The following HYDIN variants were observed in gnomAD, a reference collection of about 807,000 sequenced individuals.
HYDIN encodes HYDIN axonemal central pair apparatus protein.
Under a neutral mutation model 403.9 loss-of-function variants are expected in HYDIN, and 132 were observed. The ratio of observed to expected loss-of-function variants is 0.33; its 90% CI spans 0.28 to 0.38. The LOEUF (loss-of-function observed/expected upper bound fraction) is 0.38, where lower values mean the gene tolerates loss of function less well. HYDIN is among the 10% of genes least tolerant of loss of function. The pLI is 1.00. For synonymous variants in HYDIN, 1,202 were observed against 1,891.7 expected (o/e 0.64, Z 9.46); for missense variants, 2,827 against 5,009.5 (o/e 0.56, Z 13.15).
Position 70,862,071 on chromosome 16 carries a change from G to A in HYDIN, c.11754C>T (p.Asp3918=), listed in dbSNP as rs1215604565. ...ACTGGCAGAAAAGGTTGCTCTCGAAGTCTCCAATGTCCAACGGGGAGAATT... is the reference window on the plus strand; with the variant it reads ...ACTGGCAGAAAAGGTTGCTCTCGAAATCTCCAATGTCCAACGGGGAGAATT... ...KVKFSPLDIG[D]FESNLFCQIP... The change falls in exon 69 of 86, where the codon GAC becomes GAT. Residue 3918 remains aspartate (D), a synonymous_variant. Transcript: ENST00000393567. 4.4e-6 allele frequency: 7 copies of A among 1,599,632 alleles called. No individual in the cohort carries two copies. The highest frequency in any genetic ancestry group is 6.0e-6 in the Non-Finnish European group (7 of 1,172,994).
intron 18 of HYDIN, among the ~76,000 whole-genome samples, chr16:71,059,474 C>G (rs1568078538): frequency 6.6e-6 from 1 of 152,100 alleles, no homozygotes; most frequent in Non-Finnish European, 1.5e-5. Context: ...TCTGGGCTCT[C>G]TATTCTGTTG....
At chr16:71,221,617 C>G (rs189652277) in intron 1 of HYDIN, among the ~76,000 whole-genome samples, 7 of 151,994 alleles carry the variant, frequency 4.6e-5, no homozygotes, top group African/African-American at 1.7e-4. Context: ...AAAAGAAATT[C>G]AAGAAATGAA....
At chr16:70,888,289 C>T (rs2143708232) in intron 58 of HYDIN, among the ~76,000 whole-genome samples, 1 of 152,364 alleles carries the variant, frequency 6.6e-6, no homozygotes, top group South Asian at 2.1e-4. Context: ...GAAACCTGGA[C>T]ATTTTGGGTG....
At chr16:71,193,810 T>C (rs1049842468) in intron 1 of HYDIN, among the ~76,000 whole-genome samples, 8 of 152,032 alleles carry the variant, frequency 5.3e-5, no homozygotes, top group Admixed American at 3.3e-4. Context: ...CTCTTTGCTT[T>C]TTCTTTATCT....
At chr16:70,950,198 T>C (rs2078021345) in intron 41 of HYDIN, among the ~76,000 whole-genome samples, 1 of 150,200 alleles carries the variant, frequency 6.7e-6, no homozygotes, top group African/African-American at 2.5e-5. Flanking sequence ...TCCTCTTACC[T>C]GATCTAACAT....
chr16:71,000,186 C>T (rs1276809779), intron 23 of HYDIN, among the ~76,000 whole-genome samples: 1 of 152,184 alleles, frequency 6.6e-6, no homozygotes, highest in Non-Finnish European at 1.5e-5. Context: ...CAAGCGGACA[C>T]ATCCCTGACT....
At chr16:70,973,144 T>C (rs2078780549) in intron 35 of HYDIN, among the ~76,000 whole-genome samples, 199 bp downstream of exon 35, 1 of 152,220 alleles carries the variant, frequency 6.6e-6, no homozygotes, top group Non-Finnish European at 1.5e-5. Flanking sequence ...TGATAAAAAC[T>C]GATGTGTTAG....
Position 70,807,670 on chromosome 16 carries a change from G to C in HYDIN, c.15276C>G (p.Ile5092Met). ...GGCAGCTCACAGTCAGCTTGGTGGTGATGGGGGTTTTGCTGCCAGATGGGT... is the reference window on the plus strand; with the variant it reads ...GGCAGCTCACAGTCAGCTTGGTGGTCATGGGGGTTTTGCTGCCAGATGGGT... ...EGNPSGSKTP[I>M]TTKLTVSCPP... is the part of the protein sequence containing the mutation. Residue 5092 changes from isoleucine to methionine, a missense_variant, in exon 86 of 86, where the codon ATC becomes ATG. Ile to Met is a conservative substitution (Grantham distance 10). Transcript: ENST00000393567. 6.2e-7 allele frequency: 1 copy of C among 1,614,164 alleles called. No homozygotes were observed. The highest frequency in any genetic ancestry group is 8.5e-7 in the Non-Finnish European group (1 of 1,180,024).
intron 83 of HYDIN, among the ~76,000 whole-genome samples, chr16:70,820,381 T>C (rs574894037): frequency 3.4e-5 from 5 of 148,406 alleles, no homozygotes; most frequent in African/African-American, 1.2e-4. Context: ...TTAGTAGAGA[T>C]GGGGTTTCAC....
chr16:71,223,996 A>G (rs776315131), intron 1 of HYDIN, among the ~76,000 whole-genome samples: 6 of 152,222 alleles, frequency 3.9e-5, no homozygotes, highest in Non-Finnish European at 7.4e-5. Context: ...ATTCACATGC[A>G]TGTTTACAGC....
At chr16:70,883,467 T>C (rs1236854207) in intron 59 of HYDIN, among the ~76,000 whole-genome samples, 2 of 151,872 alleles carry the variant, frequency 1.3e-5, no homozygotes, top group Non-Finnish European at 2.9e-5. Context: ...CCTGGAAAAA[T>C]ACAACTGAAG....
At position 70,840,208 on chromosome 16, in the gene HYDIN, C is replaced by G. The variant is rs200169224; in HGVS notation, c.12899G>C (p.Cys4300Ser). ...IKISHGPTFM[C>S]NISGCAVSPA... ...GCTCACAGCACAGCCTGAGATGTTG[C>G]ACATAAATGTTGGACCATGGCTGAT... Residue 4300 changes from cysteine to serine, a missense_variant, in exon 76 of 86, where the codon TGC becomes TCC. Transcript: ENST00000393567. 1,552 of 984,186 alleles carry G rather than the reference C, an allele frequency of 1.6e-3. 1 individual carries two copies. Among genetic ancestry groups the G allele is most frequent in the Non-Finnish European group, 1.9e-3 (1,311 of 677,634 alleles). The allele number at this position is 984,186 out of a possible 1,614,324, so 61.0% of individuals were successfully genotyped here.
intron 1 of HYDIN, among the ~76,000 whole-genome samples, chr16:71,222,749 A>C (rs375043487): frequency 2.0e-5 from 3 of 152,204 alleles, no homozygotes; most frequent in East Asian, 1.9e-4. Flanking sequence ...CAAAAAAATA[A>C]AATAAAATAA....
intron 81 of HYDIN, among the ~76,000 whole-genome samples, 160 bp downstream of exon 81, chr16:70,829,458 T>C (rs2036813371): frequency 6.6e-6 from 1 of 151,904 alleles, no homozygotes; most frequent in Non-Finnish European, 1.5e-5. Flanking sequence ...GGTCTTGAAC[T>C]ACTGACCTCA....
intron 15 of HYDIN, among the ~76,000 whole-genome samples, chr16:71,065,535 A>G (rs1265948680): frequency 6.6e-6 from 1 of 152,146 alleles, no homozygotes; most frequent in African/African-American, 2.4e-5. Context: ...ACCCTTTGCC[A>G]TTGCTTCAGT....
intron 1 of HYDIN, among the ~76,000 whole-genome samples, chr16:71,192,637 C>T (rs2087491934): frequency 1.3e-5 from 2 of 152,142 alleles, no homozygotes; most frequent in South Asian, 4.1e-4. Flanking sequence ...GCTGTCACCT[C>T]TTTCAGAAAG....
At chr16:71,020,749 C>T (rs2080454881) in intron 21 of HYDIN, among the ~76,000 whole-genome samples, 1 of 149,976 alleles carries the variant, frequency 6.7e-6, no homozygotes, top group South Asian at 2.1e-4. Flanking sequence ...GCAGAGGTGG[C>T]ACTGAGTCGA....
At chr16:70,808,158 G>A in intron 85 of HYDIN, 96 bp from the exon 86 acceptor site, 9 of 1,379,610 alleles carry the variant, frequency 6.5e-6, no homozygotes, top group Non-Finnish European at 8.9e-6. Context: ...TGGACATCAA[G>A]CAACTATGTC....
rs2035045999 is a variant in HYDIN at position 70,804,968 on chromosome 16, T to TGGC, written c.*2611_*2612insGCC. ...GGGGCTGGTGGCATGTTAGACAAGATTTCAGACAGCTTCTTCCACCTTTTC... is the reference window on the plus strand; with the variant it reads ...GGGGCTGGTGGCATGTTAGACAAGATGGCTTCAGACAGCTTCTTCCACCTTTTC... On this transcript the variant is annotated 3_prime_UTR_variant, in exon 86 of 86. Transcript: ENST00000393567. Among the ~76,000 whole-genome samples the TGGC allele has an allele frequency of 1.3e-5, 2 of 152,346 alleles. No individual in the cohort carries two copies. The highest frequency in any genetic ancestry group is 6.5e-5 in the Admixed American group (1 of 15,300).
Sources: gnomAD v4.1 joint callset for allele counts (sites outside exome capture counted in the v4.1 genomes callset) on GRCh38, gnomAD v4.1.1 for gene constraint, MANE v1.5 for transcripts, NCBI Gene and HGNC (gene_info 2026-07-23, HGNC 2026-07-21) for gene names.